The following SIPA1L1 variants were observed in gnomAD, a reference collection of about 807,000 sequenced individuals.
SIPA1L1 encodes signal induced proliferation associated 1 like 1.
A neutral mutation model predicts 162.7 loss-of-function variants in SIPA1L1; 26 were observed. The observed-to-expected ratio is 0.16, with a 90% CI of 0.12 to 0.22. The LOEUF (loss-of-function observed/expected upper bound fraction) is 0.22. Among genes scored for constraint, SIPA1L1 ranks in the 10% least tolerant of loss-of-function variants. SIPA1L1 has a pLI of 1.00. For synonymous variants in SIPA1L1, 829 were observed against 837.4 expected (o/e 0.99, Z 0.17); for missense variants, 1,874 against 2,241.0 (o/e 0.84, Z 3.31).
intron 2 of SIPA1L1, among the ~76,000 whole-genome samples, chr14:71,493,932 C>T (rs910108626): frequency 2.6e-4 from 39 of 152,246 alleles, no homozygotes; most frequent in African/African-American, 8.2e-4. Context: ...CAGGCCAGCC[C>T]GAAGGGACTC....
chr14:71,633,110 TTGTTATGTTA>T (rs58429457), intron 7 of SIPA1L1, among the ~76,000 whole-genome samples: 97 of 137,448 alleles, frequency 7.1e-4, no homozygotes, highest in South Asian at 4.5e-3. Context: ...ACAAGCATGA[TTGTTATGTTA>T]TGTTATGTTA....
At chr14:71,519,777 A>G (rs990185860) in intron 3 of SIPA1L1, among the ~76,000 whole-genome samples, 1 of 152,104 alleles carries the variant, frequency 6.6e-6, no homozygotes, top group Non-Finnish European at 1.5e-5. Flanking sequence ...GTGAGTTATG[A>G]TCATACCACT....
chr14:71,440,808 C>T (rs2044787112), intron 2 of SIPA1L1, among the ~76,000 whole-genome samples: 1 of 151,982 alleles, frequency 6.6e-6, no homozygotes, highest in South Asian at 2.1e-4. Flanking sequence ...TTGGAATTGA[C>T]TTGTCTAGGA....
chr14:71,430,457 G>C (rs2043901580), intron 2 of SIPA1L1, among the ~76,000 whole-genome samples: 2 of 152,098 alleles, frequency 1.3e-5, no homozygotes, highest in South Asian at 4.1e-4. Context: ...TCTAGCTGGA[G>C]ATCTCATCAG....
chr14:71,468,038 GTGTGTGTGTC>G (rs1454588733), intron 2 of SIPA1L1, among the ~76,000 whole-genome samples: 1 of 151,322 alleles, frequency 6.6e-6, no homozygotes, highest in African/African-American at 2.4e-5. Flanking sequence ...GTGTGTGTGT[GTGTGTGTGTC>G]TGTCTGTGTC....
intron 4 of SIPA1L1, among the ~76,000 whole-genome samples, chr14:71,562,190 G>A (rs757387688): frequency 6.6e-6 from 1 of 151,652 alleles, no homozygotes; most frequent in South Asian, 2.1e-4. Flanking sequence ...ACTATGGTCA[G>A]TATAACAAGT....
At chr14:71,671,826 C>CA in intron 11 of SIPA1L1, 134 bp downstream of exon 11, 5 of 658,260 alleles carry the variant, frequency 7.6e-6, no homozygotes, top group Non-Finnish European at 1.3e-5. Context: ...GTGAAGCAAA[C>CA]AGAGTTTATC....
intron 2 of SIPA1L1, among the ~76,000 whole-genome samples, chr14:71,397,710 T>G (rs942422162): frequency 1.2e-4 from 18 of 152,218 alleles, no homozygotes; most frequent in Non-Finnish European, 2.1e-4. Context: ...TCTAGTTGCT[T>G]CCATCAAATG....
chr14:71,351,387 A>G (rs1184742460), intron 2 of SIPA1L1, among the ~76,000 whole-genome samples: 1 of 152,196 alleles, frequency 6.6e-6, no homozygotes, highest in Non-Finnish European at 1.5e-5. Context: ...ACTCAACACT[A>G]AAGGTACCAT....
At chr14:71,606,999 G>A (rs1001427483) in intron 5 of SIPA1L1, among the ~76,000 whole-genome samples, 11 of 151,786 alleles carry the variant, frequency 7.2e-5, no homozygotes, top group Non-Finnish European at 1.3e-4. Context: ...TAGAAGATGT[G>A]ACACCAAAAG....
chr14:71,341,875 A>G (rs955881233), intron 2 of SIPA1L1, among the ~76,000 whole-genome samples: 1 of 152,100 alleles, frequency 6.6e-6, no homozygotes, highest in African/African-American at 2.4e-5. Flanking sequence ...TGTGGTGTAT[A>G]TGTACCATAT....
chr14:71,443,838 C>T (rs1303115486), intron 2 of SIPA1L1, among the ~76,000 whole-genome samples: 1 of 152,244 alleles, frequency 6.6e-6, no homozygotes, highest in East Asian at 1.9e-4. Flanking sequence ...AGGTGCCACA[C>T]TGTCCCCCAC....
At chr14:71,470,932 G>T (rs886463503) in intron 2 of SIPA1L1, among the ~76,000 whole-genome samples, 8 of 152,060 alleles carry the variant, frequency 5.3e-5, no homozygotes, top group Non-Finnish European at 1.2e-4. Context: ...CCGCCTCCTG[G>T]GTTCACGCCA....
At chr14:71,684,550 C>T (rs1218384912) in intron 12 of SIPA1L1, among the ~76,000 whole-genome samples, 1 of 152,246 alleles carries the variant, frequency 6.6e-6, no homozygotes, top group Non-Finnish European at 1.5e-5. Context: ...GTAAGCTGCT[C>T]GTACACCCTT....
chr14:71,576,122 T>C (rs1017409774), intron 4 of SIPA1L1, among the ~76,000 whole-genome samples: 13 of 152,194 alleles, frequency 8.5e-5, no homozygotes, highest in African/African-American at 2.7e-4. Flanking sequence ...GGACAGATCT[T>C]TTCCTCAAGA....
intron 17 of SIPA1L1, among the ~76,000 whole-genome samples, chr14:71,720,590 T>A (rs1013728598): frequency 9.9e-5 from 15 of 152,236 alleles, no homozygotes; most frequent in African/African-American, 3.4e-4. Context: ...TTTACCCTTT[T>A]GAGGCTATTT....
intron 2 of SIPA1L1, among the ~76,000 whole-genome samples, chr14:71,390,053 A>G (rs2040623987): frequency 6.6e-6 from 1 of 152,154 alleles, no homozygotes; most frequent in Non-Finnish European, 1.5e-5. Context: ...ATAATTTGTA[A>G]TTTTCTTTGG....
chr14:71,638,497 G>A (rs899104420), intron 7 of SIPA1L1, among the ~76,000 whole-genome samples: 1 of 152,192 alleles, frequency 6.6e-6, no homozygotes, highest in Non-Finnish European at 1.5e-5. Context: ...ACTTATTTAT[G>A]ATAAAAACTA....
chr14:71,578,956 A>G (rs117716391), intron 4 of SIPA1L1, among the ~76,000 whole-genome samples: 209 of 152,370 alleles, frequency 1.4e-3, no homozygotes, highest in Non-Finnish European at 2.5e-3. Flanking sequence ...TGTCAGAGAG[A>G]GGAACTGCTC....
Sources: gnomAD v4.1 joint callset for allele counts (sites outside exome capture counted in the v4.1 genomes callset) on GRCh38, gnomAD v4.1.1 for gene constraint, MANE v1.5 for transcripts, NCBI Gene and HGNC (gene_info 2026-07-23, HGNC 2026-07-21) for gene names.